CX3CL1: variants seen among roughly 807,000 people sequenced by gnomAD.
The protein encoded by CX3CL1 is C-X3-C motif chemokine ligand 1.
Under a neutral mutation model 14.1 loss-of-function variants are expected in CX3CL1, and 1 was observed. The ratio of observed to expected loss-of-function variants is 0.07; its 90% CI spans 0.03 to 0.34. CX3CL1 has a LOEUF of 0.34. Among genes scored for constraint, CX3CL1 ranks in the 10% least tolerant of loss-of-function variants. The pLI is 0.99. For synonymous variants in CX3CL1, 255 were observed against 229.6 expected, an observed-to-expected ratio of 1.11 and a Z score of -1.00; for missense variants, 505 against 536.4, an observed-to-expected ratio of 0.94 and a Z score of 0.58.
intron 1 of CX3CL1, among the ~76,000 whole-genome samples, chr16:57,374,466 A>C (rs1359387590): frequency 6.6e-6 from 1 of 151,962 alleles, no homozygotes; most frequent in African/African-American, 2.4e-5. Context: ...AAAAAAACGA[A>C]TCTGTTTTAA....
chr16:57,379,689 G>A lies in CX3CL1; in HGVS notation c.126G>A (p.Lys42=). ...CNITCSKMTS[K]IPVALLIHYQ... is the part of the protein sequence containing the mutation. ...TCACGTGCAGCAAGATGACATCAAA[G>A]ATACCTGTAGCTTTGCTCATCCACT... Residue 42 remains lysine, a synonymous_variant, in exon 2 of 3, where the codon AAG becomes AAA. Coordinates refer to ENST00000006053, the MANE Select transcript of CX3CL1 (RefSeq NM_002996.6). The A allele has an allele frequency of 1.2e-6, 2 of 1,614,224 alleles. No homozygotes were observed. Among genetic ancestry groups the A allele is most frequent in the Non-Finnish European group, 1.7e-6 (2 of 1,180,030 alleles).
chr16:57,383,875 G>A lies in CX3CL1; in HGVS notation c.*843G>A, dbSNP rs1451573843. The A allele has an allele frequency of 1.3e-5, 2 of 152,388 alleles. No individual in the cohort carries two copies. Among genetic ancestry groups the A allele is most frequent in the Non-Finnish European group, 1.5e-5 (1 of 68,164 alleles). 9.4% of individuals were successfully genotyped at this position (152,388 alleles called of 1,614,324 possible). ...AGCACCTTAGACAGTCCCTGCCAAT[G>A]GACTAACTTGTCTTTGGACCCTGAG... is the stretch of plus-strand genomic sequence containing the variant. On this transcript the variant is annotated 3_prime_UTR_variant, in exon 3 of 3. Transcript: ENST00000006053.
At chr16:57,378,662 C>A (rs1414510144) in intron 1 of CX3CL1, 2 of 151,966 alleles carry the variant, frequency 1.3e-5, no homozygotes, top group East Asian at 3.9e-4. Flanking sequence ...CAAGGTTTCA[C>A]CATATTGATC....
chr16:57,381,786 C>T (rs1339507289), intron 2 of CX3CL1, among the ~76,000 whole-genome samples: 1 of 152,104 alleles, frequency 6.6e-6, no homozygotes, highest in Non-Finnish European at 1.5e-5. Context: ...CCCAATTTTT[C>T]TGGGATGGCT....
At chr16:57,373,730 C>T (rs1028135353) in intron 1 of CX3CL1, among the ~76,000 whole-genome samples, 4 of 152,172 alleles carry the variant, frequency 2.6e-5, no homozygotes, top group Non-Finnish European at 4.4e-5. Flanking sequence ...GAGGTGTCTG[C>T]GGACAGTGAG....
At position 57,383,045 on chromosome 16, in the gene CX3CL1, T is replaced by C. The variant is rs1902357513; in HGVS notation, c.*13T>C. Reference sequence around the variant, plus strand: ...GGTGCCCGTGTGAACTCCTCTGGCCTGTGTCTAGTTGTTTGATTCAGACAG... The same window carrying C: ...GGTGCCCGTGTGAACTCCTCTGGCCCGTGTCTAGTTGTTTGATTCAGACAG... On this transcript the variant is annotated 3_prime_UTR_variant, in exon 3 of 3. Transcript: ENST00000006053. 2 of 1,398,156 alleles carry C rather than the reference T, an allele frequency of 1.4e-6. No individual in the cohort carries two copies. Among genetic ancestry groups the C allele is most frequent in the Non-Finnish European group, 1.9e-6 (2 of 1,068,344 alleles). The allele number at this position is 1,398,156 out of a possible 1,614,324, so 86.6% of individuals were successfully genotyped here.
chr16:57,373,526 G>A (rs1452017926), intron 1 of CX3CL1, among the ~76,000 whole-genome samples: 1 of 152,200 alleles, frequency 6.6e-6, no homozygotes, highest in Non-Finnish European at 1.5e-5. Flanking sequence ...CCACCATCTG[G>A]CAGGGTGACC....
intron 1 of CX3CL1, among the ~76,000 whole-genome samples, chr16:57,374,646 C>T (rs573151801): frequency 1.3e-5 from 2 of 152,114 alleles, no homozygotes; most frequent in Admixed American, 1.3e-4. Context: ...GCATTTTGTC[C>T]ATTCATTCAA....
At chr16:57,379,552 G>T (rs1902290363) in intron 1 of CX3CL1, 82 bp from the exon 2 acceptor site, 1 of 1,575,048 alleles carries the variant, frequency 6.3e-7, no homozygotes, top group Non-Finnish European at 8.7e-7. Context: ...CTTGGGTGGT[G>T]TGGCCGGGAC....
At position 57,372,560 on chromosome 16, in the gene CX3CL1, C is replaced by T; in HGVS notation, c.-9C>T. On this transcript the variant is annotated 5_prime_UTR_variant, in exon 1 of 3. Transcript: ENST00000006053. ...TGGCCCCCGCCGGGACTCTTGCCCA[C>T]CCTCAGCCATGGCTCCGATATCTCT... is the stretch of plus-strand genomic sequence containing the variant. 1.2e-6 allele frequency: 2 copies of T among 1,611,714 alleles called. No homozygotes were observed. The highest frequency in any genetic ancestry group is 2.2e-5 in the East Asian group (1 of 44,886).
chr16:57,382,190 G>A lies in CX3CL1; in HGVS notation c.352G>A (p.Ala118Thr), dbSNP rs201653943. 335 of 1,613,472 alleles carry A rather than the reference G, an allele frequency of 2.1e-4. No individual in the cohort carries two copies. Among genetic ancestry groups the A allele is most frequent in the Non-Finnish European group, 2.7e-4 (320 of 1,179,840 alleles). Residue 118 changes from alanine (A) to threonine (T), a missense_variant, in exon 3 of 3, where the codon GCC becomes ACC. By Grantham distance (58) the Ala-to-Thr change is moderately conservative (BLOSUM62 0). Transcript: ENST00000006053. This position sits in a 1 kb window ranked among gnomAD's most constrained non-coding sequence, Gnocchi z 6.9. ...GGTGAAGCCCAGGACCACCCCTGCCGCCGGGGGAATGGACGAGTCTGTGGT... is the reference window on the plus strand; with the variant it reads ...GGTGAAGCCCAGGACCACCCCTGCCACCGGGGGAATGGACGAGTCTGTGGT... ...GEVKPRTTPA[A>T]GGMDESVVLE...
Position 57,382,457 on chromosome 16 carries a change from C to T in CX3CL1, c.619C>T (p.Pro207Ser), listed in dbSNP as rs754266085. The change falls in exon 3 of 3, where the codon CCC (proline) becomes TCC (serine). Residue 207 changes from proline to serine, a missense_variant. Physicochemically the swap from Pro to Ser is moderately conservative, Grantham distance 74. Coordinates refer to ENST00000006053, the MANE Select transcript of CX3CL1 (RefSeq NM_002996.6). This position sits in a 1 kb window ranked among gnomAD's most constrained non-coding sequence, Gnocchi z 6.9. ...GAGTTCTGCTCCCCACCAACCTGGG[C>T]CCAGCCTCTGGGCTGAGGCAAAGAC... ...WQSSAPHQPG[P>S]SLWAEAKTSE... The T allele has an allele frequency of 1.2e-6, 2 of 1,612,912 alleles. No homozygotes were observed. The highest frequency in any genetic ancestry group is 2.2e-5 in the East Asian group (1 of 44,868).
Position 57,382,672 on chromosome 16 carries a change from G to A in CX3CL1, c.834G>A (p.Trp278Ter). ...VPAHTDAFQD[W>*]GPGSMAHVSV... Reference sequence around the variant, plus strand: ...CGCACACGGATGCCTTCCAGGACTGGGGGCCTGGCAGCATGGCCCACGTCT... The same window carrying A: ...CGCACACGGATGCCTTCCAGGACTGAGGGCCTGGCAGCATGGCCCACGTCT... The change falls in exon 3 of 3, where the codon TGG (tryptophan) becomes TGA (stop). Residue 278 changes from tryptophan (W) to a stop codon, truncating the protein, a stop_gained. Coordinates refer to ENST00000006053, the MANE Select transcript of CX3CL1 (RefSeq NM_002996.6). LOFTEE classifies it high-confidence loss of function. The surrounding 1 kb of genome is among the most constrained non-coding windows in gnomAD (Gnocchi z 6.9). 6.2e-7 allele frequency: 1 copy of A among 1,612,650 alleles called. No individual in the cohort carries two copies. The highest frequency in any genetic ancestry group is 8.5e-7 in the Non-Finnish European group (1 of 1,179,106).
rs1419657715 is a variant in CX3CL1 at position 57,382,284 on chromosome 16, G to C, written c.446G>C (p.Arg149Thr). Residue 149 changes from arginine to threonine, a missense_variant, in exon 3 of 3, where the codon AGG becomes ACG. Arg to Thr is a moderately conservative substitution (Grantham distance 71, BLOSUM62 -1). Coordinates refer to ENST00000006053, the MANE Select transcript of CX3CL1 (RefSeq NM_002996.6). The surrounding 1 kb of genome is among the most constrained non-coding windows in gnomAD (Gnocchi z 6.9). ...EPTPSSQEAQRALGTSPELPT... is the reference protein window; with the variant it reads ...EPTPSSQEAQTALGTSPELPT... ...ACTCCTTCTTCCCAGGAAGCACAGA[G>C]GGCCCTGGGGACCTCCCCAGAGCTG... 1.2e-6 allele frequency: 2 copies of C among 1,606,292 alleles called. No individual in the cohort carries two copies. The highest frequency in any genetic ancestry group is 1.7e-5 in the Admixed American group (1 of 59,500).
At chr16:57,374,392 C>T (rs1419018415) in intron 1 of CX3CL1, among the ~76,000 whole-genome samples, 3 of 152,032 alleles carry the variant, frequency 2.0e-5, no homozygotes, top group African/African-American at 7.2e-5. Context: ...CAGTGCAGAG[C>T]ATTGCCCCCC....
chr16:57,374,563 C>A (rs1385644053), intron 1 of CX3CL1, among the ~76,000 whole-genome samples: 1 of 152,068 alleles, frequency 6.6e-6, no homozygotes, highest in Non-Finnish European at 1.5e-5. Context: ...GATCCAGGCC[C>A]CTGTCTAATT....
chr16:57,377,687 C>T (rs1338301214), intron 1 of CX3CL1: 2 of 152,008 alleles, frequency 1.3e-5, no homozygotes, highest in Admixed American at 6.6e-5. Context: ...CTGGTGGAGC[C>T]CAGGGATGCC....
rs748779179 is a variant in CX3CL1, at chr16:57,379,650, GACGAAATGCAACATC to G, written c.91_105del (p.Lys31_Thr35del). ...TGAACTCAGGACAGCACCACGGTGT[GACGAAATGCAACATC>G]ACGTGCAGCAAGATGACATCAAAGA... On this transcript the variant is annotated inframe_deletion, in exon 2 of 3. Coordinates refer to ENST00000006053, the MANE Select transcript of CX3CL1 (RefSeq NM_002996.6). 1 of 1,614,088 alleles carries G rather than the reference GACGAAATGCAACATC, an allele frequency of 6.2e-7. No individual in the cohort carries two copies.
At chr16:57,379,837 T>C in intron 2 of CX3CL1, 83 bp downstream of exon 2, 1 of 1,524,860 alleles carries the variant, frequency 6.6e-7, no homozygotes, top group Non-Finnish European at 9.0e-7. Flanking sequence ...CGTCCACACC[T>C]CCGCTCCCAG....
Sources: allele counts gnomAD v4.1 joint callset (sites outside exome capture counted in the v4.1 genomes callset), GRCh38; gene constraint gnomAD v4.1.1; non-coding constraint Gnocchi (gnomAD v3.1); transcripts MANE v1.5; gene names NCBI Gene and HGNC (gene_info 2026-07-23, HGNC 2026-07-21).